MCPH1: variants seen among roughly 807,000 people sequenced by gnomAD.
The protein encoded by MCPH1 is microcephalin 1.
Under a neutral mutation model 84.5 loss-of-function variants are expected in MCPH1, and 104 were observed. The observed-to-expected ratio is 1.23, with a 90% CI of 1.05 to 1.45. The LOEUF (loss-of-function observed/expected upper bound fraction) is 1.45. MCPH1 is among the 40% of genes most tolerant of loss of function. MCPH1 has a pLI of 0.00. For missense variants in MCPH1, 1,498 were observed against 1,005.7 expected (o/e 1.49, Z -6.62); for synonymous variants, 514 against 366.8 (o/e 1.40, Z -4.58).
At chr8:6,583,373 C>T (rs1179116294) in intron 12 of MCPH1, among the ~76,000 whole-genome samples, 1 of 152,146 alleles carries the variant, frequency 6.6e-6, no homozygotes, top group East Asian at 1.9e-4. Flanking sequence ...CAAACAAAAA[C>T]ACACACAAAT....
At chr8:6,541,891 C>T (rs1018284346) in intron 12 of MCPH1, among the ~76,000 whole-genome samples, 18 of 151,632 alleles carry the variant, frequency 1.2e-4, no homozygotes, top group African/African-American at 4.4e-4. Flanking sequence ...GCCTGTGGTC[C>T]TAGCTACTCA....
intron 12 of MCPH1, among the ~76,000 whole-genome samples, chr8:6,541,153 G>A (rs1653908268): frequency 1.3e-5 from 2 of 152,216 alleles, no homozygotes; most frequent in South Asian, 2.1e-4. Flanking sequence ...AGAGCAAGTT[G>A]GGCCCAGAGG....
chr8:6,639,864 A>T (rs1401837828), intron 13 of MCPH1, among the ~76,000 whole-genome samples: 1 of 151,856 alleles, frequency 6.6e-6, no homozygotes, highest in African/African-American at 2.4e-5. Context: ...TACTGTAATT[A>T]ATTTATGTGC....
At chr8:6,549,384 A>T (rs535008287) in intron 12 of MCPH1, among the ~76,000 whole-genome samples, 5 of 152,244 alleles carry the variant, frequency 3.3e-5, no homozygotes, top group African/African-American at 1.2e-4. Flanking sequence ...ATGACATTCA[A>T]AACCTAGCAA....
intron 6 of MCPH1, among the ~76,000 whole-genome samples, chr8:6,440,178 C>T (rs886317861): frequency 6.6e-6 from 1 of 151,744 alleles, no homozygotes; most frequent in Non-Finnish European, 1.5e-5. Flanking sequence ...TATTTTTTTC[C>T]CAGTTATTAG....
At chr8:6,506,897 A>T (rs1413237501) in intron 12 of MCPH1, among the ~76,000 whole-genome samples, 1 of 151,524 alleles carries the variant, frequency 6.6e-6, no homozygotes, top group African/African-American at 2.4e-5. Flanking sequence ...TTGACTGTTA[A>T]TGATGCTTTT....
chr8:6,438,128 T>G (rs1227182714), intron 5 of MCPH1, among the ~76,000 whole-genome samples: 3 of 152,240 alleles, frequency 2.0e-5, no homozygotes, highest in Non-Finnish European at 4.4e-5. Context: ...TCTTTATACT[T>G]TTGTCACTTT....
chr8:6,431,748 G>T (rs1240788013), intron 4 of MCPH1, among the ~76,000 whole-genome samples, 162 bp downstream of exon 4: 1 of 152,136 alleles, frequency 6.6e-6, no homozygotes, highest in Non-Finnish European at 1.5e-5. Flanking sequence ...GTGAATTACA[G>T]AGATTATTTT....
intron 12 of MCPH1, among the ~76,000 whole-genome samples, chr8:6,553,257 C>G (rs1391968870): frequency 2.0e-5 from 3 of 152,108 alleles, no homozygotes; most frequent in Non-Finnish European, 4.4e-5. Flanking sequence ...GAACCTAAAA[C>G]TGCTCTAAAA....
intron 9 of MCPH1, among the ~76,000 whole-genome samples, chr8:6,474,637 A>G (rs1419789505): frequency 1.3e-5 from 2 of 152,212 alleles, no homozygotes. Context: ...AAACTTTACG[A>G]GTAACGTTCA....
At chr8:6,598,462 G>A (rs949873395) in intron 12 of MCPH1, among the ~76,000 whole-genome samples, 2 of 152,308 alleles carry the variant, frequency 1.3e-5, no homozygotes, top group African/African-American at 4.8e-5. Context: ...TGGGGTGGGG[G>A]GCGGTCGTGA....
At position 6,636,479 on chromosome 8, in the gene MCPH1, ATTTG is replaced by A. The variant is rs527847854; in HGVS notation, c.2453-6507_2453-6504del. Among the ~76,000 whole-genome samples the A allele has an allele frequency of 8.3e-3, 1,258 of 152,094 alleles. 10 individuals are homozygous for A. Among genetic ancestry groups the A allele is most frequent in the Non-Finnish European group, 0.012 (794 of 67,992 alleles). The stretch of plus-strand genomic sequence containing the variant: ...ACACAGACTTTGTTTCATGCACAAA[ATTTG>A]TTTGTTTATTTTTTGAAACAGAGTT... On this transcript the variant is annotated intron_variant, in intron 13 of 13. Transcript: ENST00000344683.
At chr8:6,417,708 G>A (rs1438938305) in intron 3 of MCPH1, among the ~76,000 whole-genome samples, 1 of 152,068 alleles carries the variant, frequency 6.6e-6, no homozygotes, top group African/African-American at 2.4e-5. Context: ...CCTGTCTTCG[G>A]TTATGAGTGT....
chr8:6,601,807 AAGCCTTT>A (rs1829399886), intron 12 of MCPH1, among the ~76,000 whole-genome samples: 2 of 151,726 alleles, frequency 1.3e-5, no homozygotes, highest in African/African-American at 4.9e-5. Flanking sequence ...ACACACACAC[AAGCCTTT>A]CCTAATTATC....
At chr8:6,538,607 C>T (rs1476914266) in intron 12 of MCPH1, among the ~76,000 whole-genome samples, 1 of 152,222 alleles carries the variant, frequency 6.6e-6, no homozygotes, top group Non-Finnish European at 1.5e-5. Flanking sequence ...TTTGTATCTC[C>T]TCCTTGAGTC....
rs924883719 is a variant in MCPH1 at position 6,621,225 on chromosome 8, A to C, written c.2215-229A>C. ...AAAGGCCTACACTTTTTTTTTTCTA[A>C]TTTGTTTCCTTGGAGTTTTACGCAT... On this transcript the variant is annotated intron_variant, in intron 12 of 13. Transcript: ENST00000344683. 3 of 585,788 alleles carry C rather than the reference A, an allele frequency of 5.1e-6. No homozygotes were observed. The African/African-American group carries it at 5.6e-5, about 11-fold the overall frequency. The allele number at this position is 585,788 out of a possible 1,614,324, so 36.3% of individuals were successfully genotyped here.
chr8:6,500,344 C>G (rs1482624589), intron 12 of MCPH1: 1 of 161,522 alleles, frequency 6.2e-6, no homozygotes, highest in Non-Finnish European at 1.4e-5. Context: ...CTAAATTCCA[C>G]TTCAACTTTC....
intron 12 of MCPH1, among the ~76,000 whole-genome samples, chr8:6,598,674 G>A (rs1285503188): frequency 3.9e-5 from 6 of 152,246 alleles, no homozygotes; most frequent in Non-Finnish European, 5.9e-5. Flanking sequence ...GTGAGCCGGC[G>A]GGCGGCTTCA....
At chr8:6,632,765 C>T (rs565586898) in intron 13 of MCPH1, among the ~76,000 whole-genome samples, 7 of 151,920 alleles carry the variant, frequency 4.6e-5, no homozygotes, top group Admixed American at 6.5e-5. Context: ...GCCAAGAGTG[C>T]GCCATTGCAC....
Sources: gnomAD v4.1 joint callset for allele counts (sites outside exome capture counted in the v4.1 genomes callset) on GRCh38, gnomAD v4.1.1 for gene constraint, MANE v1.5 for transcripts, NCBI Gene and HGNC (gene_info 2026-07-23, HGNC 2026-07-21) for gene names.